CLSTN2: variants seen among roughly 807,000 people sequenced by gnomAD.
The protein encoded by CLSTN2 is calsyntenin-2.
A neutral mutation model predicts 101.2 loss-of-function variants in CLSTN2; 48 were observed. The ratio of observed to expected loss-of-function variants is 0.47; its 90% CI spans 0.38 to 0.60. CLSTN2 has a LOEUF of 0.60. CLSTN2 is among the 20% of genes least tolerant of loss of function. The probability of loss-of-function intolerance (pLI) is 0.00; values close to 1 mark genes in which losing one functional copy is unlikely to be tolerated. For synonymous variants in CLSTN2, 481 were observed against 463.6 expected, an observed-to-expected ratio of 1.04 and a Z score of -0.48; for missense variants, 1,160 against 1,238.2, an observed-to-expected ratio of 0.94 and a Z score of 0.95.
chr3:140,362,850 T>C (rs9874598), intron 2 of CLSTN2, among the ~76,000 whole-genome samples: 56,212 of 152,000 alleles, frequency 0.37, 12,234 homozygotes, highest in Non-Finnish European at 0.5. Context: ...GTGAAGAAAC[T>C]ATAACCTTTA....
intron 1 of CLSTN2, among the ~76,000 whole-genome samples, chr3:140,007,092 T>C (rs1428658332): frequency 1.3e-5 from 2 of 151,942 alleles, no homozygotes; most frequent in African/African-American, 4.8e-5. Flanking sequence ...TACACATTCA[T>C]GCCTATTTCT....
chr3:140,257,559 G>A (rs1455999476), intron 2 of CLSTN2, among the ~76,000 whole-genome samples: 1 of 64,504 alleles, frequency 1.6e-5, no homozygotes, highest in African/African-American at 7.9e-5. Flanking sequence ...TTTCTTTCTA[G>A]GGGTGTGTGT....
At chr3:140,515,823 T>G (rs1415849318) in intron 8 of CLSTN2, among the ~76,000 whole-genome samples, 1 of 152,014 alleles carries the variant, frequency 6.6e-6, no homozygotes, top group East Asian at 1.9e-4. Context: ...TGCCGATGAG[T>G]AGAATGTTCT....
At chr3:140,274,304 G>A (rs13066966) in intron 2 of CLSTN2, among the ~76,000 whole-genome samples, 5 of 152,128 alleles carry the variant, frequency 3.3e-5, no homozygotes, top group African/African-American at 1.2e-4. Flanking sequence ...CCTGGGAAGA[G>A]CTCTGACTGA....
At chr3:140,321,685 C>T (rs754233139) in intron 2 of CLSTN2, among the ~76,000 whole-genome samples, 3 of 152,116 alleles carry the variant, frequency 2.0e-5, no homozygotes, top group Admixed American at 6.6e-5. Context: ...TCAGATAACC[C>T]GAGTTCCCCT....
chr3:140,361,553 A>G (rs765626929), intron 2 of CLSTN2, among the ~76,000 whole-genome samples: 2 of 152,196 alleles, frequency 1.3e-5, no homozygotes, highest in African/African-American at 4.8e-5. Context: ...ATCTTTATGC[A>G]TAGAGAACGT....
At chr3:140,190,813 T>C (rs1487644953) in intron 2 of CLSTN2, among the ~76,000 whole-genome samples, 3 of 152,162 alleles carry the variant, frequency 2.0e-5, no homozygotes, top group Non-Finnish European at 4.4e-5. Flanking sequence ...CTAGATTTTT[T>C]TCTTGTAGAT....
chr3:140,474,219 C>T (rs1933926103), intron 8 of CLSTN2, among the ~76,000 whole-genome samples: 1 of 152,198 alleles, frequency 6.6e-6, no homozygotes, highest in Non-Finnish European at 1.5e-5. Flanking sequence ...CTACACCTTG[C>T]TGAGGTGACC....
At chr3:140,308,600 C>A (rs926691847) in intron 2 of CLSTN2, among the ~76,000 whole-genome samples, 7 of 152,318 alleles carry the variant, frequency 4.6e-5, no homozygotes, top group East Asian at 1.9e-4. Context: ...GCATTAAAAT[C>A]AGATTAGTTG....
chr3:140,540,184 A>T (rs551046854), intron 9 of CLSTN2, among the ~76,000 whole-genome samples: 1 of 152,338 alleles, frequency 6.6e-6, no homozygotes, highest in East Asian at 1.9e-4. Flanking sequence ...TTAGGTTCTC[A>T]ACCCCAGAGA....
chr3:140,373,228 A>C (rs1364287527), intron 2 of CLSTN2, among the ~76,000 whole-genome samples: 1 of 152,226 alleles, frequency 6.6e-6, no homozygotes, highest in Non-Finnish European at 1.5e-5. Context: ...GCCCTGGCAA[A>C]TTCTGTCACA....
At chr3:140,104,207 A>G (rs956695925) in intron 1 of CLSTN2, among the ~76,000 whole-genome samples, 12 of 152,190 alleles carry the variant, frequency 7.9e-5, no homozygotes, top group Non-Finnish European at 2.9e-5. Context: ...TCAAAGGATG[A>G]CCTGGGTTTT....
intron 1 of CLSTN2, among the ~76,000 whole-genome samples, chr3:140,168,334 C>T (rs1041848499): frequency 6.6e-6 from 1 of 152,004 alleles, no homozygotes; most frequent in African/African-American, 2.4e-5. Context: ...ATTTTAGTGA[C>T]AGGTATATTC....
At chr3:140,078,144 G>C (rs2008523952) in intron 1 of CLSTN2, among the ~76,000 whole-genome samples, 1 of 152,138 alleles carries the variant, frequency 6.6e-6, no homozygotes, top group South Asian at 2.1e-4. Context: ...GGACTCACAG[G>C]ACACCCTGCA....
chr3:140,268,321 T>A (rs1233506515), intron 2 of CLSTN2, among the ~76,000 whole-genome samples: 1 of 152,118 alleles, frequency 6.6e-6, no homozygotes, highest in African/African-American at 2.4e-5. Flanking sequence ...CTTTTACCAA[T>A]CATTCGTCCA....
intron 2 of CLSTN2, among the ~76,000 whole-genome samples, chr3:140,243,781 A>C (rs1372836525): frequency 6.6e-6 from 1 of 152,248 alleles, no homozygotes; most frequent in African/African-American, 2.4e-5. Flanking sequence ...GATCTACTGC[A>C]TCAGATGTGT....
At chr3:140,019,772 T>C (rs551317548) in intron 1 of CLSTN2, among the ~76,000 whole-genome samples, 153 of 152,108 alleles carry the variant, frequency 1.0e-3, no homozygotes, top group Non-Finnish European at 1.8e-3. Context: ...GTGGTTGCAG[T>C]GGGCATGGAA....
At chr3:140,239,974 G>A (rs542487922) in intron 2 of CLSTN2, among the ~76,000 whole-genome samples, 1 of 149,638 alleles carries the variant, frequency 6.7e-6, no homozygotes, top group Admixed American at 6.7e-5. Flanking sequence ...TAAAACAAAA[G>A]CAAATTTTGT....
chr3:140,448,467 A>T, intron 5 of CLSTN2, 52 bp from the exon 6 acceptor site: 1 of 1,452,942 alleles, frequency 6.9e-7, no homozygotes, highest in Non-Finnish European at 9.5e-7. Flanking sequence ...GAAATGTTCC[A>T]GCAGAACTGA....
Sources: gnomAD v4.1 joint callset for allele counts (sites outside exome capture counted in the v4.1 genomes callset) on GRCh38, gnomAD v4.1.1 for gene constraint, MANE v1.5 for transcripts, NCBI Gene and HGNC (gene_info 2026-07-23, HGNC 2026-07-21) for gene names.